PTPRM: variants seen among roughly 807,000 people sequenced by gnomAD.
PTPRM encodes protein tyrosine phosphatase receptor type M.
PTPRM carries 47 observed loss-of-function variants against 186.7 expected under a neutral mutation model. The ratio of observed to expected loss-of-function variants is 0.25; its 90% CI spans 0.20 to 0.32. PTPRM has a LOEUF of 0.32. Ranked by LOEUF, PTPRM falls within the 10% of genes least tolerant of loss-of-function variation. The pLI is 1.00. For synonymous variants in PTPRM, 668 were observed against 674.9 expected (o/e 0.99, Z 0.16); for missense variants, 1,494 against 1,865.0 (o/e 0.80, Z 3.66).
At chr18:8,063,332 G>T (rs201830015) in intron 7 of PTPRM, among the ~76,000 whole-genome samples, 1 of 150,414 alleles carries the variant, frequency 6.6e-6, no homozygotes, top group African/African-American at 2.5e-5. Flanking sequence ...ACACCCACTG[G>T]CCTGCGCCCA....
intron 7 of PTPRM, among the ~76,000 whole-genome samples, chr18:7,960,635 G>A (rs1318517535): frequency 6.6e-6 from 1 of 151,882 alleles, no homozygotes; most frequent in African/African-American, 2.4e-5. Flanking sequence ...GCATACATCT[G>A]TAGTCCCAGC....
chr18:7,596,587 T>C (rs2037266884), intron 1 of PTPRM, among the ~76,000 whole-genome samples: 1 of 152,320 alleles, frequency 6.6e-6, no homozygotes, highest in Non-Finnish European at 1.5e-5. Flanking sequence ...ATTTATAAAC[T>C]TCATCATAGG....
At chr18:8,300,251 A>G (rs2095142113) in intron 20 of PTPRM, among the ~76,000 whole-genome samples, 1 of 152,184 alleles carries the variant, frequency 6.6e-6, no homozygotes, top group Non-Finnish European at 1.5e-5. Context: ...CTCTCAGGCA[A>G]AAGAGAAGGT....
intron 7 of PTPRM, among the ~76,000 whole-genome samples, chr18:8,052,592 A>C (rs2087588137): frequency 2.6e-5 from 4 of 152,144 alleles, no homozygotes; most frequent in Non-Finnish European, 5.9e-5. Context: ...AAATCACCTA[A>C]CAATCCATTT....
chr18:8,126,017 A>T (rs1196979877), intron 13 of PTPRM, among the ~76,000 whole-genome samples: 2,814 of 28,910 alleles, frequency 0.097, 330 homozygotes, highest in African/African-American at 0.15. Flanking sequence ...ATATATATAT[A>T]TATATATATA....
chr18:8,245,427 T>G (rs1350756970), intron 15 of PTPRM, among the ~76,000 whole-genome samples: 2 of 152,154 alleles, frequency 1.3e-5, no homozygotes, highest in Non-Finnish European at 2.9e-5. Flanking sequence ...TCTTCTTTCT[T>G]TACCCTTTCC....
At chr18:8,210,429 A>G (rs117475072) in intron 14 of PTPRM, among the ~76,000 whole-genome samples, 14,419 of 152,146 alleles carry the variant, frequency 0.095, 803 homozygotes, top group Middle Eastern at 0.33. Flanking sequence ...CCACAACCCA[A>G]GGAACATCTG....
At chr18:8,083,549 T>C (rs950666184) in intron 9 of PTPRM, among the ~76,000 whole-genome samples, 7 of 152,258 alleles carry the variant, frequency 4.6e-5, no homozygotes, top group South Asian at 4.1e-4. Flanking sequence ...CTCCTTATTT[T>C]AGCACCCTAT....
intron 2 of PTPRM, among the ~76,000 whole-genome samples, chr18:7,784,907 C>T (rs1041664009): frequency 6.6e-6 from 1 of 152,128 alleles, no homozygotes; most frequent in Non-Finnish European, 1.5e-5. Context: ...AGGCTGCCAC[C>T]CAGTTGGAGG....
chr18:7,736,016 G>A (rs1280125522), intron 1 of PTPRM, among the ~76,000 whole-genome samples: 1 of 151,736 alleles, frequency 6.6e-6, no homozygotes, highest in African/African-American at 2.4e-5. Flanking sequence ...CATAAAATAT[G>A]TAAAACCAAG....
At chr18:8,151,123 G>A (rs1210104853) in intron 14 of PTPRM, among the ~76,000 whole-genome samples, 1 of 152,166 alleles carries the variant, frequency 6.6e-6, no homozygotes, top group African/African-American at 2.4e-5. Context: ...ACCCACTTGA[G>A]GAGGCACTCT....
At chr18:8,299,798 G>T (rs559108111) in intron 20 of PTPRM, among the ~76,000 whole-genome samples, 1 of 152,184 alleles carries the variant, frequency 6.6e-6, no homozygotes, top group African/African-American at 2.4e-5. Flanking sequence ...AAACAGATGG[G>T]TCTGACTATG....
chr18:7,977,277 C>T (rs1283393912), intron 7 of PTPRM, among the ~76,000 whole-genome samples: 3 of 151,992 alleles, frequency 2.0e-5, no homozygotes, highest in Non-Finnish European at 4.4e-5. Flanking sequence ...TTTGTAGAGA[C>T]GGAGTTTTGC....
chr18:7,916,077 A>G (rs1041676577), intron 4 of PTPRM, among the ~76,000 whole-genome samples: 3 of 151,842 alleles, frequency 2.0e-5, no homozygotes, highest in Non-Finnish European at 2.9e-5. Flanking sequence ...TAAAAGAATA[A>G]TAGACATTGG....
At chr18:7,824,723 G>T (rs935211921) in intron 2 of PTPRM, among the ~76,000 whole-genome samples, 1 of 152,108 alleles carries the variant, frequency 6.6e-6, no homozygotes, top group African/African-American at 2.4e-5. Context: ...CCAAACTGTG[G>T]TTAAAACATG....
chr18:8,289,575 T>TATATACAC (rs1555845744), intron 19 of PTPRM, among the ~76,000 whole-genome samples: 4 of 109,212 alleles, frequency 3.7e-5, no homozygotes, highest in South Asian at 3.1e-4. Context: ...TATATATATA[T>TATATACAC]ACATATATAT....
chr18:8,065,221 A>G (rs1390973612), intron 7 of PTPRM, among the ~76,000 whole-genome samples: 1 of 152,350 alleles, frequency 6.6e-6, no homozygotes, highest in South Asian at 2.1e-4. Context: ...TGAACCTGCA[A>G]TGGAAATTGA....
At chr18:8,208,091 G>A (rs898532807) in intron 14 of PTPRM, among the ~76,000 whole-genome samples, 19 of 152,206 alleles carry the variant, frequency 1.2e-4, no homozygotes, top group African/African-American at 4.6e-4. Context: ...AGCAACAAAG[G>A]ATGGGCATGG....
chr18:8,002,859 C>T (rs186410978), intron 7 of PTPRM, among the ~76,000 whole-genome samples: 39 of 152,342 alleles, frequency 2.6e-4, no homozygotes, highest in East Asian at 1.7e-3. Flanking sequence ...AATGCTGATA[C>T]ATCTCTGCCC....
Sources: allele counts gnomAD v4.1 joint callset (sites outside exome capture counted in the v4.1 genomes callset), GRCh38; gene constraint gnomAD v4.1.1; transcripts MANE v1.5; gene names NCBI Gene and HGNC (gene_info 2026-07-23, HGNC 2026-07-21).